Variants in SEC31B observed in about 807,000 individuals in gnomAD.
The protein encoded by SEC31B is protein transport protein Sec31B.
In SEC31B, 113 loss-of-function variants were observed where a neutral mutation model predicts 135.0. The ratio of observed to expected loss-of-function variants is 0.84; its 90% confidence interval spans 0.72 to 0.98. SEC31B has a LOEUF of 0.98. SEC31B is among the 50% of genes least tolerant of loss of function. SEC31B has a pLI of 0.00. For missense variants in SEC31B, 1,296 were observed against 1,421.1 expected, an observed-to-expected ratio of 0.91 and a Z score of 1.42; for synonymous variants, 508 against 549.4, an observed-to-expected ratio of 0.92 and a Z score of 1.05.
intron 3 of SEC31B, among the ~76,000 whole-genome samples, chr10:100,511,346 C>G (rs571284119): frequency 6.6e-6 from 1 of 152,224 alleles, no homozygotes; most frequent in Non-Finnish European, 1.5e-5. Flanking sequence ...CTTGATGGTT[C>G]AGGGTGCTCA....
rs1265859062 is a variant in SEC31B at position 100,487,062 on chromosome 10, T to G, written c.*554A>C. On this transcript the variant is annotated 3_prime_UTR_variant, in exon 26 of 26. Transcript: ENST00000370345. Reference sequence around the variant, plus strand: ...ACAGCGCCAAAGTTTCCTCTCTTGGTTCTGCTCAGCACCCATCCCTCACGT... The same window carrying G: ...ACAGCGCCAAAGTTTCCTCTCTTGGGTCTGCTCAGCACCCATCCCTCACGT... The G allele has an allele frequency of 1.3e-5, 2 of 153,266 alleles. No homozygotes were observed. Among genetic ancestry groups the G allele is most frequent in the African/African-American group, 4.8e-5 (2 of 41,460 alleles). The allele number at this position is 153,266 out of a possible 1,614,324, so 9.5% of individuals were successfully genotyped here. A position where few individuals can be genotyped will look rare whatever the true frequency, so the allele number is the denominator to read the frequency against.
chr10:100,504,456 C>G (rs1172450743), intron 10 of SEC31B, among the ~76,000 whole-genome samples: 1 of 152,184 alleles, frequency 6.6e-6, no homozygotes, highest in Non-Finnish European at 1.5e-5. Context: ...GCTGAAAAAT[C>G]AGAATCTTGG....
rs756676397 is a variant in SEC31B at position 100,497,918 on chromosome 10, TAGAA to T, written c.1863+107_1863+110del. The stretch of plus-strand genomic sequence containing the variant: ...AGGGATGAGGTGGGGGTGGTTAGAG[TAGAA>T]AGAGAGAGGCAGGCAGATACTCAAA... On this transcript the variant is annotated intron_variant, in intron 15 of 25. Transcript: ENST00000370345. 3.3e-4 allele frequency: 529 copies of T among 1,580,724 alleles called. 2 individuals are homozygous for T. Among genetic ancestry groups the T allele is most frequent in the South Asian group, 1.9e-3 (170 of 87,464 alleles).
At chr10:100,506,954 G>C (rs1257517837) in intron 7 of SEC31B, among the ~76,000 whole-genome samples, 1 of 152,148 alleles carries the variant, frequency 6.6e-6, no homozygotes, top group Admixed American at 6.5e-5. Context: ...GACAGAGCAA[G>C]AACTGGTCTA....
chr10:100,488,400 A>G (rs1055940291), intron 24 of SEC31B, among the ~76,000 whole-genome samples: 11 of 148,994 alleles, frequency 7.4e-5, no homozygotes, highest in African/African-American at 2.7e-4. Context: ...CAGAGCTTGC[A>G]GTGAGCCGAG....
chr10:100,507,860 G>A (rs762311683), intron 6 of SEC31B, 48 bp downstream of exon 6: 3 of 1,612,720 alleles, frequency 1.9e-6, no homozygotes, highest in African/African-American at 2.7e-5. Context: ...TGCTAGGCAG[G>A]AGAGAGAAGC....
Position 100,517,005 on chromosome 10 carries a change from T to C in SEC31B, c.-45-8A>G, listed in dbSNP as rs1397491625. 3.6e-6 allele frequency: 5 copies of C among 1,385,622 alleles called. No individual in the cohort carries two copies. The highest frequency in any genetic ancestry group is 1.2e-5 in the South Asian group (1 of 85,412). 85.8% of individuals were successfully genotyped at this position (1,385,622 alleles called of 1,614,324 possible). ...GACATGGCCCTCAGCCCACTGAAAA[T>C]AGAAACCAGCAAACTTAACAGCCAG... On this transcript the variant is annotated splice_region_variant and splice_polypyrimidine_tract_variant and intron_variant, in intron 1 of 25. Coordinates refer to ENST00000370345, the MANE Select transcript of SEC31B (RefSeq NM_015490.4).
In SEC31B at chr10:100,496,355, G is replaced by A. The variant is rs1483894766; in HGVS notation, c.2213C>T (p.Pro738Leu). The A allele has an allele frequency of 6.2e-7, 1 of 1,614,216 alleles. No homozygotes were observed. ...CTGAGTGACCCTGTAGGTTGTGGCA[G>A]GGCCTGGGCTCACCCCATGAGGACC... Reference protein sequence around the residue: ...LRGPHGVSPGPATTYRVTQYA... With the variant: ...LRGPHGVSPGLATTYRVTQYA... Residue 738 changes from proline to leucine, a missense_variant, in exon 18 of 26, where the codon CCT becomes CTT. By Grantham distance (98) the Pro-to-Leu change is moderately conservative. Transcript: ENST00000370345.
In SEC31B at chr10:100,507,984, T is replaced by A. The variant is rs772403142; in HGVS notation, c.563A>T (p.His188Leu). The A allele has an allele frequency of 7.4e-6, 12 of 1,614,162 alleles. No individual in the cohort carries two copies. The South Asian group carries it at 9.9e-5, about 13-fold the overall frequency. The change falls in exon 6 of 26, where the codon CAC becomes CTC. Residue 188 changes from histidine (H) to leucine (L), a missense_variant. Transcript: ENST00000370345. ...CCACACAACTGCCTTGCCACTGGGGTGAGCAGAAGACAGAATGTGTTGGGC... is the reference window on the plus strand; with the variant it reads ...CCACACAACTGCCTTGCCACTGGGGAGAGCAGAAGACAGAATGTGTTGGGC... The part of the protein sequence containing the change: ...RQAQHILSSA[H>L]PSGKAVVWDL...
In SEC31B at chr10:100,509,475, C is replaced by T. The variant is rs780636121; in HGVS notation, c.240G>A (p.Gly80=). The part of the protein sequence containing the change: ...HKLVWGSFGS[G]LLESSGVIVG... ...CAATAACCCCGGAGCTTTCCAGAAG[C>T]CCACTGCCAAAGCTCCCCCAGACCA... The change falls in exon 4 of 26, where the codon GGG becomes GGA. Residue 80 remains glycine, a synonymous_variant. Transcript: ENST00000370345. 2 of 1,613,856 alleles carry T rather than the reference C, an allele frequency of 1.2e-6. No individual in the cohort carries two copies. Among genetic ancestry groups the T allele is most frequent in the East Asian group, 2.2e-5 (1 of 44,872 alleles).
In SEC31B at chr10:100,511,116, G is replaced by C. The variant is rs540968655; in HGVS notation, c.204-1605C>G. ...GACCTCAAGGGGGAGTCACCAAAGG[G>C]CTGGAAAAGAGGGCAGTTACTTCAG... On this transcript the variant is annotated intron_variant, in intron 3 of 25. Transcript: ENST00000370345. Among the ~76,000 whole-genome samples, 12 of 152,350 alleles carry C rather than the reference G, an allele frequency of 7.9e-5. 1 individual carries two copies. Among genetic ancestry groups the C allele is most frequent in the African/African-American group, 2.9e-4 (12 of 41,584 alleles).
intron 10 of SEC31B, among the ~76,000 whole-genome samples, chr10:100,504,250 T>C (rs1851582762): frequency 6.6e-6 from 1 of 152,244 alleles, no homozygotes; most frequent in East Asian, 1.9e-4. Context: ...TTTTTCTTTT[T>C]AAGCTCACAG....
In SEC31B at chr10:100,516,978, C is replaced by G. The variant is rs763988230; in HGVS notation, c.-26G>C. ...GGTCTATCCTGTAGGTGGCAGAAAACTGACATGGCCCTCAGCCCACTGAAA... is the reference window on the plus strand; with the variant it reads ...GGTCTATCCTGTAGGTGGCAGAAAAGTGACATGGCCCTCAGCCCACTGAAA... On this transcript the variant is annotated 5_prime_UTR_variant, in exon 2 of 26. Coordinates refer to ENST00000370345, the MANE Select transcript of SEC31B (RefSeq NM_015490.4). 6.3e-7 allele frequency: 1 copy of G among 1,575,032 alleles called. No homozygotes were observed. Among genetic ancestry groups the G allele is most frequent in the Admixed American group, 1.7e-5 (1 of 59,890 alleles).
At position 100,487,472 on chromosome 10, in the gene SEC31B, G is replaced by A. The variant is rs1258839717; in HGVS notation, c.*144C>T. The A allele has an allele frequency of 1.3e-6, 1 of 779,016 alleles. No individual in the cohort carries two copies. The highest frequency in any genetic ancestry group is 2.0e-6 in the Non-Finnish European group (1 of 492,976). The allele number at this position is 779,016 out of a possible 1,614,324, so 48.3% of individuals were successfully genotyped here. On this transcript the variant is annotated 3_prime_UTR_variant, in exon 26 of 26. Coordinates refer to ENST00000370345, the MANE Select transcript of SEC31B (RefSeq NM_015490.4). The stretch of plus-strand genomic sequence containing the variant: ...AAAAAGCAGGCACTCAGCTGGTTTG[G>A]AGCCAAGCCTACAGCATCACATACC...
intron 10 of SEC31B, among the ~76,000 whole-genome samples, chr10:100,503,173 C>T (rs916080916): frequency 1.3e-5 from 2 of 152,118 alleles, no homozygotes; most frequent in African/African-American, 4.8e-5. Flanking sequence ...GTGCCTTTAC[C>T]CACAACACCC....
At chr10:100,508,159 T>C (rs1206046603) in intron 5 of SEC31B, 108 bp from the exon 6 acceptor site, 3 of 1,338,524 alleles carry the variant, frequency 2.2e-6, no homozygotes, top group African/African-American at 1.4e-5. Flanking sequence ...AGAATAGACA[T>C]GGGGCTACCC....
At position 100,495,342 on chromosome 10, in the gene SEC31B, C is replaced by T. The variant is rs560405094; in HGVS notation, c.2472+43G>A. ...CAAGTGCCCAGAACCATGCTTGGCA[C>T]GTATTATTGAATGAACAAATGAATG... is the stretch of plus-strand genomic sequence containing the variant. On this transcript the variant is annotated intron_variant, in intron 19 of 25. Transcript: ENST00000370345. The T allele has an allele frequency of 4.2e-5, 66 of 1,562,454 alleles. No homozygotes were observed. In the South Asian group the frequency reaches 5.2e-4, roughly 12 times the overall value.
intron 14 of SEC31B, 29 bp downstream of exon 14, chr10:100,498,676 A>T: frequency 6.5e-7 from 1 of 1,536,774 alleles, no homozygotes; most frequent in Non-Finnish European, 9.0e-7. Flanking sequence ...CTAAGCAGAG[A>T]CTCTCCCTCT....
intron 16 of SEC31B, 119 bp from the exon 17 acceptor site, chr10:100,497,399 A>G (rs1287812208): frequency 1.3e-6 from 2 of 1,523,830 alleles, no homozygotes; most frequent in East Asian, 4.6e-5. Flanking sequence ...TTAAGACAAC[A>G]CTGAGACTCA....
Sources: allele counts gnomAD v4.1 joint callset (sites outside exome capture counted in the v4.1 genomes callset), GRCh38; gene constraint gnomAD v4.1.1; transcripts MANE v1.5; gene names NCBI Gene and HGNC (gene_info 2026-07-23, HGNC 2026-07-21).